The following CLUAP1 variants were observed in gnomAD, a reference collection of about 807,000 sequenced individuals.
CLUAP1 encodes intraflagellar transport 38.
CLUAP1 carries 50 observed loss-of-function variants against 55.0 expected under a neutral mutation model. The observed-to-expected ratio is 0.91, with a 90% CI of 0.72 to 1.15. The LOEUF (loss-of-function observed/expected upper bound fraction) is 1.15. CLUAP1 is among the 50% of genes most tolerant of loss of function. The pLI is 0.00. For synonymous variants in CLUAP1, 195 were observed against 175.4 expected (o/e 1.11, Z -0.88); for missense variants, 530 against 507.6 (o/e 1.04, Z -0.42).
Position 3,538,952 on chromosome 16 carries a change from C to G in CLUAP1, c.*2681C>G, listed in dbSNP as rs936381670. The G allele has an allele frequency of 6.6e-6, 1 of 151,998 alleles. No homozygotes were observed. The highest frequency in any genetic ancestry group is 2.4e-5 in the African/African-American group (1 of 41,338). The allele number at this position is 151,998 out of a possible 1,614,324, so 9.4% of individuals were successfully genotyped here. A position where few individuals can be genotyped will look rare whatever the true frequency, so the allele number is the denominator to read the frequency against. On this transcript the variant is annotated 3_prime_UTR_variant, in exon 12 of 12. Coordinates refer to ENST00000576634, the MANE Select transcript of CLUAP1 (RefSeq NM_015041.3). ...CAAATAGAAAACTAGCAGGCCATTG[C>G]TGACAATTTTTACTATATAATTAGA...
At chr16:3,523,041 C>A (rs1214675914) in intron 7 of CLUAP1, 117 bp from the exon 8 acceptor site, 5 of 727,046 alleles carry the variant, frequency 6.9e-6, no homozygotes, top group Non-Finnish European at 1.0e-5. Flanking sequence ...GAATGAAGGA[C>A]CTTCTCTAAT....
Position 3,536,333 on chromosome 16 carries a change from A to G in CLUAP1, c.*62A>G. The G allele has an allele frequency of 5.7e-6, 9 of 1,572,916 alleles. No individual in the cohort carries two copies. The highest frequency in any genetic ancestry group is 7.8e-6 in the Non-Finnish European group (9 of 1,153,474). ...CAGACTTGTAGGTAAATGGGAACTT[A>G]GAAGGTTAGGAAGGTAACCCCTGTT... On this transcript the variant is annotated 3_prime_UTR_variant, in exon 12 of 12. Coordinates refer to ENST00000576634, the MANE Select transcript of CLUAP1 (RefSeq NM_015041.3).
intron 9 of CLUAP1, among the ~76,000 whole-genome samples, chr16:3,528,685 C>T (rs183330698): frequency 1.3e-5 from 2 of 152,122 alleles, no homozygotes; most frequent in Non-Finnish European, 2.9e-5. Flanking sequence ...CCAAGATTTA[C>T]CTTTGTGTTT....
intron 10 of CLUAP1, among the ~76,000 whole-genome samples, chr16:3,531,885 C>T (rs968427006): frequency 2.6e-5 from 4 of 151,672 alleles, no homozygotes; most frequent in African/African-American, 9.7e-5. Context: ...GCTCTTGGTC[C>T]CCAGGTTGGA....
In CLUAP1 at chr16:3,519,955, C is replaced by T; in HGVS notation, c.632C>T (p.Ala211Val). The T allele has an allele frequency of 3.1e-6, 5 of 1,613,452 alleles. No individual in the cohort carries two copies. The highest frequency in any genetic ancestry group is 4.2e-6 in the Non-Finnish European group (5 of 1,179,732). Reference sequence around the variant, plus strand: ...CTCAATAATGTGGCCTCTGATGAAGCTAATTTAGAAGCCAAAATCGAAAAG... The same window carrying T: ...CTCAATAATGTGGCCTCTGATGAAGTTAATTTAGAAGCCAAAATCGAAAAG... ...DLLNNVASDE[A>V]NLEAKIEKRK... The change falls in exon 7 of 12, where the codon GCT (alanine) becomes GTT (valine). Residue 211 changes from alanine (A) to valine (V), a missense_variant. By Grantham distance (64) the Ala-to-Val change is moderately conservative (BLOSUM62 0). Transcript: ENST00000576634.
At chr16:3,523,326 C>T (rs2037877024) in intron 8 of CLUAP1, 27 bp downstream of exon 8, 1 of 1,589,904 alleles carries the variant, frequency 6.3e-7, no homozygotes, top group Non-Finnish European at 8.5e-7. Flanking sequence ...CTCTGTTCAG[C>T]CATTCCTTCT....
At position 3,512,477 on chromosome 16, in the gene CLUAP1, G is replaced by C. The variant is rs2037648517; in HGVS notation, c.494G>C (p.Arg165Thr). 3 of 1,610,916 alleles carry C rather than the reference G, an allele frequency of 1.9e-6. No individual in the cohort carries two copies. Among genetic ancestry groups the C allele is most frequent in the Non-Finnish European group, 2.5e-6 (3 of 1,177,112 alleles). The change falls in exon 5 of 12, where the codon AGG becomes ACG. Residue 165 changes from arginine to threonine, a missense_variant and splice_region_variant. By Grantham distance (71) the Arg-to-Thr change is moderately conservative. Coordinates refer to ENST00000576634, the MANE Select transcript of CLUAP1 (RefSeq NM_015041.3). ...TTGCTCGGCATGGAAGTAGAGTTGA[G>C]GGTAAGCATTCCAGTACTTCCTTAA... ...YDLLGMEVEL[R>T]EMRTEAIARP...
At chr16:3,513,144 G>A (rs1223095016) in intron 5 of CLUAP1, among the ~76,000 whole-genome samples, 1 of 152,140 alleles carries the variant, frequency 6.6e-6, no homozygotes, top group Admixed American at 6.5e-5. Flanking sequence ...GCAGTTCCCC[G>A]ACCTTGCTGC....
upstream of CLUAP1, among the ~76,000 whole-genome samples, chr16:3,500,637 C>G (rs1243848734): frequency 2.0e-5 from 3 of 152,208 alleles, no homozygotes; most frequent in East Asian, 5.8e-4. Flanking sequence ...TCCCAAAGTG[C>G]TGGGATTGTA....
chr16:3,532,902 G>A, intron 11 of CLUAP1, 61 bp downstream of exon 11: 1 of 1,576,986 alleles, frequency 6.3e-7, no homozygotes, highest in Non-Finnish European at 8.7e-7. Flanking sequence ...CCCCATAGAT[G>A]GGAGTGGCTG....
At chr16:3,507,150 C>A (rs1259212223) in intron 3 of CLUAP1, among the ~76,000 whole-genome samples, 1 of 150,514 alleles carries the variant, frequency 6.6e-6, no homozygotes, top group Non-Finnish European at 1.5e-5. Flanking sequence ...GAGCCGAGAT[C>A]ACGCCACTGC....
intron 2 of CLUAP1, among the ~76,000 whole-genome samples, chr16:3,505,787 G>A (rs2037495502): frequency 6.6e-6 from 1 of 152,094 alleles, no homozygotes; most frequent in African/African-American, 2.4e-5. Context: ...TATGATTCAG[G>A]GTTGGCAGCT....
intron 4 of CLUAP1, among the ~76,000 whole-genome samples, chr16:3,509,133 A>G (rs1007974741): frequency 2.6e-5 from 4 of 152,078 alleles, no homozygotes. Flanking sequence ...GGTGGTACAC[A>G]CCTGTGGTCC....
chr16:3,498,004 A>C (rs938621674), upstream of CLUAP1, among the ~76,000 whole-genome samples: 6 of 152,076 alleles, frequency 3.9e-5, no homozygotes, highest in African/African-American at 1.4e-4. Context: ...ATCCGGGCTG[A>C]GAAGTCGCAC....
At chr16:3,508,012 T>C (rs1449151435) in intron 3 of CLUAP1, among the ~76,000 whole-genome samples, 4 of 152,142 alleles carry the variant, frequency 2.6e-5, no homozygotes, top group African/African-American at 9.7e-5. Flanking sequence ...TTTGTTTGTG[T>C]TTGAGTGTGT....
At chr16:3,529,757 A>T (rs192316964) in intron 9 of CLUAP1, among the ~76,000 whole-genome samples, 1 of 29,320 alleles carries the variant, frequency 3.4e-5, no homozygotes, top group Non-Finnish European at 5.4e-5. Context: ...TATATTATAT[A>T]ATATATATTA....
chr16:3,497,178 C>G (rs2037323383), upstream of CLUAP1, among the ~76,000 whole-genome samples: 2 of 151,600 alleles, frequency 1.3e-5, no homozygotes, highest in Admixed American at 1.3e-4. Flanking sequence ...GCAACCTGAT[C>G]TTGTATGTAG....
chr16:3,506,199 A>T, intron 2 of CLUAP1, 132 bp from the exon 3 acceptor site: 2 of 709,334 alleles, frequency 2.8e-6, no homozygotes, highest in South Asian at 3.3e-5. Context: ...GTTTGCCTTG[A>T]TCTCACTCTC....
intron 10 of CLUAP1, 86 bp downstream of exon 10, chr16:3,530,761 T>A: frequency 1.0e-6 from 1 of 1,000,822 alleles, no homozygotes; most frequent in African/African-American, 1.6e-5. Flanking sequence ...TGCTTAGTAT[T>A]GAGGCCCACA....
Sources: gnomAD v4.1 joint callset for allele counts (sites outside exome capture counted in the v4.1 genomes callset) on GRCh38, gnomAD v4.1.1 for gene constraint, MANE v1.5 for transcripts, NCBI Gene and HGNC (gene_info 2026-07-23, HGNC 2026-07-21) for gene names.